Variants in VTCN1 observed in about 807,000 individuals in gnomAD.
VTCN1 encodes V-set domain containing T cell activation inhibitor 1, also known as V-set domain-containing T-cell activation inhibitor 1.
Under a neutral mutation model 26.5 loss-of-function variants are expected in VTCN1, and 26 were observed. The ratio of observed to expected loss-of-function variants is 0.98; its 90% CI spans 0.72 to 1.36. The LOEUF (loss-of-function observed/expected upper bound fraction) is 1.36. Among genes scored for constraint, VTCN1 ranks in the 40% most tolerant of loss-of-function variants. VTCN1 has a pLI of 0.00. For missense variants in VTCN1, 298 were observed against 337.7 expected, an observed-to-expected ratio of 0.88 and a Z score of 0.92; for synonymous variants, 116 against 130.7, an observed-to-expected ratio of 0.89 and a Z score of 0.77.
intron 4 of VTCN1, 32 bp downstream of exon 4, chr1:117,153,059 G>A: frequency 6.3e-7 from 1 of 1,584,352 alleles, no homozygotes; most frequent in Non-Finnish European, 8.6e-7. Flanking sequence ...TCTTTCCCCA[G>A]TAAATCCATA....
At position 117,155,292 on chromosome 1, in the gene VTCN1, A is replaced by G. The variant is rs951915584; in HGVS notation, c.445+1282T>C. Reference sequence around the variant, plus strand: ...TGATGTTAACCTGGATCACCTGGCTAAAGCAGTGTTTGCCGGATTTCTTTG... The same window carrying G: ...TGATGTTAACCTGGATCACCTGGCTGAAGCAGTGTTTGCCGGATTTCTTTG... On this transcript the variant is annotated intron_variant, in intron 3 of 5. Coordinates refer to ENST00000369458, the MANE Select transcript of VTCN1 (RefSeq NM_024626.4). This position sits in a 1 kb window ranked among gnomAD's most constrained non-coding sequence, Gnocchi z 4.8. 1.3e-5 allele frequency among the ~76,000 whole-genome samples: 2 copies of G among 152,190 alleles called. No homozygotes were observed. The highest frequency in any genetic ancestry group is 2.9e-5 in the Non-Finnish European group (2 of 68,030).
intron 3 of VTCN1, 67 bp downstream of exon 3, chr1:117,156,507 C>A: frequency 7.0e-7 from 1 of 1,422,260 alleles, no homozygotes; most frequent in South Asian, 1.4e-5. Context: ...ATTTCATAAG[C>A]AACTCATAAT....
Position 117,145,961 on chromosome 1 carries a change from T to G in VTCN1, c.*46-736A>C, listed in dbSNP as rs943748502. 2.0e-5 allele frequency among the ~76,000 whole-genome samples: 3 copies of G among 152,156 alleles called. No homozygotes were observed. Among genetic ancestry groups the G allele is most frequent in the African/African-American group, 7.2e-5 (3 of 41,434 alleles). On this transcript the variant is annotated intron_variant, in intron 5 of 5. Transcript: ENST00000369458. This position sits in a 1 kb window ranked among gnomAD's most constrained non-coding sequence, Gnocchi z 4.6. ...ACTCATTTACTTTAAAAAATCTACT[T>G]GATTTATGGTTATTCCTCTATGGTG... is the stretch of plus-strand genomic sequence containing the variant.
At chr1:117,165,337 T>C (rs1464691150) in intron 2 of VTCN1, among the ~76,000 whole-genome samples, 1 of 152,212 alleles carries the variant, frequency 6.6e-6, no homozygotes, top group Non-Finnish European at 1.5e-5. Flanking sequence ...GAAGAAAGGA[T>C]TCAAAAGATA....
rs1448507233 is a variant in VTCN1, at chr1:117,183,179, T to C, written c.33-13008A>G. 6.6e-6 allele frequency among the ~76,000 whole-genome samples: 1 copy of C among 152,152 alleles called. No homozygotes were observed. The highest frequency in any genetic ancestry group is 1.5e-5 in the Non-Finnish European group (1 of 68,024). ...CCCGTCACCTCCACACTCCATCCAT[T>C]CTAAACCACTCTGGGTCCCTGACTA... On this transcript the variant is annotated intron_variant, in intron 1 of 5. Coordinates refer to ENST00000369458, the MANE Select transcript of VTCN1 (RefSeq NM_024626.4). The surrounding 1 kb of genome is among the most constrained non-coding windows in gnomAD (Gnocchi z 4.1).
chr1:117,172,350 C>A, intron 1 of VTCN1: 2 of 518,598 alleles, frequency 3.9e-6, no homozygotes, highest in East Asian at 1.1e-4. Context: ...AATAATAGGG[C>A]ATCTGCTAAA....
At chr1:117,156,389 C>T (rs1025767644) in intron 3 of VTCN1, among the ~76,000 whole-genome samples, 185 bp downstream of exon 3, 1 of 152,192 alleles carries the variant, frequency 6.6e-6, no homozygotes, top group Admixed American at 6.5e-5. Context: ...TTTAAGGCCT[C>T]TCTTATAGTT....
In VTCN1 at chr1:117,156,800, C is replaced by T. The variant is rs749882171; in HGVS notation, c.219G>A (p.Lys73=). The T allele has an allele frequency of 4.3e-6, 7 of 1,614,120 alleles. No homozygotes were observed. The South Asian group carries it at 7.7e-5, about 18-fold the overall frequency. ...CATGGACCAAGCCTAAAACACCTTC[C>T]TTCAGCCATTGTATCACGATATCAG... ...KLSDIVIQWL[K]EGVLGLVHEF... The change falls in exon 3 of 6, where the codon AAG becomes AAA. Residue 73 remains lysine, a synonymous_variant. Transcript: ENST00000369458.
intron 1 of VTCN1, among the ~76,000 whole-genome samples, chr1:117,192,662 A>G (rs1557875748): frequency 6.6e-6 from 1 of 152,192 alleles, no homozygotes; most frequent in African/African-American, 2.4e-5. Flanking sequence ...GTTGGGGGTA[A>G]GATTGTAGAG....
intron 1 of VTCN1, among the ~76,000 whole-genome samples, chr1:117,210,293 G>C (rs1018985213): frequency 6.6e-6 from 1 of 152,100 alleles, no homozygotes; most frequent in African/African-American, 2.4e-5. Context: ...CCCAACCTTT[G>C]AGCTGGGGGG....
intron 1 of VTCN1, among the ~76,000 whole-genome samples, chr1:117,192,266 C>A (rs1283312028): frequency 6.6e-6 from 1 of 151,968 alleles, no homozygotes; most frequent in Non-Finnish European, 1.5e-5. Context: ...TGGAAGAAAA[C>A]AACTGTCAAC....
intron 2 of VTCN1, among the ~76,000 whole-genome samples, chr1:117,158,596 G>A (rs1652210515): frequency 6.6e-6 from 1 of 152,270 alleles, no homozygotes; most frequent in South Asian, 2.1e-4. Flanking sequence ...CAGCCATGAA[G>A]ACCTCTGACA....
intron 2 of VTCN1, among the ~76,000 whole-genome samples, chr1:117,165,644 G>A (rs912708993): frequency 6.6e-6 from 1 of 152,140 alleles, no homozygotes; most frequent in African/African-American, 2.4e-5. Flanking sequence ...ATGACTGAAA[G>A]CTCCCTGAGG....
At chr1:117,164,519 A>G (rs1392030467) in intron 2 of VTCN1, among the ~76,000 whole-genome samples, 1 of 152,180 alleles carries the variant, frequency 6.6e-6, no homozygotes, top group Non-Finnish European at 1.5e-5. Flanking sequence ...CGTTAATAAT[A>G]GCAGATTTTT....
rs562232003 is a variant in VTCN1 at position 117,206,391 on chromosome 1, A to G, written c.32+4433T>C. 9.2e-5 allele frequency among the ~76,000 whole-genome samples: 14 copies of G among 152,312 alleles called. No homozygotes were observed. The South Asian group carries it at 2.9e-3, about 32-fold the overall frequency. On this transcript the variant is annotated intron_variant, in intron 1 of 5. Transcript: ENST00000369458. ...GGAGTTGCAAGTAATGAGTATAGCA[A>G]TAGCTAACATTTATGGAGTTCTTAG...
intron 1 of VTCN1, among the ~76,000 whole-genome samples, chr1:117,204,007 A>G (rs1313071119): frequency 6.6e-6 from 1 of 152,186 alleles, no homozygotes; most frequent in Admixed American, 6.5e-5. Flanking sequence ...CAGGTGGCAG[A>G]GGATTTCCCG....
At chr1:117,204,232 G>A (rs1648931024) in intron 1 of VTCN1, among the ~76,000 whole-genome samples, 1 of 152,168 alleles carries the variant, frequency 6.6e-6, no homozygotes, top group South Asian at 2.1e-4. Context: ...ACGCTGCTCT[G>A]AGCTCTTTAC....
At chr1:117,192,619 T>C (rs1393269167) in intron 1 of VTCN1, among the ~76,000 whole-genome samples, 1 of 152,192 alleles carries the variant, frequency 6.6e-6, no homozygotes, top group Non-Finnish European at 1.5e-5. Flanking sequence ...ATTAAAAATG[T>C]AAAGTGTGAC....
intron 1 of VTCN1, among the ~76,000 whole-genome samples, chr1:117,184,198 G>A (rs946297768): frequency 6.6e-6 from 1 of 151,954 alleles, no homozygotes. Flanking sequence ...TTGCCTTCTG[G>A]TACTCCCCCT....
Sources: gnomAD v4.1 joint callset for allele counts (sites outside exome capture counted in the v4.1 genomes callset) on GRCh38, gnomAD v4.1.1 for gene constraint, Gnocchi (gnomAD v3.1) non-coding constraint, MANE v1.5 for transcripts, NCBI Gene and HGNC (gene_info 2026-07-23, HGNC 2026-07-21) for gene names.